ADSL: variants seen among roughly 807,000 people sequenced by gnomAD.
ADSL encodes the protein adenylosuccinate lyase, also known as adenylosuccinase.
In ADSL, 44 loss-of-function variants were observed where a neutral mutation model predicts 62.1. The ratio of observed to expected loss-of-function variants is 0.71; its 90% CI spans 0.56 to 0.91. The LOEUF (loss-of-function observed/expected upper bound fraction) is 0.91. ADSL is among the 40% of genes least tolerant of loss of function. The pLI is 0.00. For missense variants in ADSL, 531 were observed against 627.4 expected, an observed-to-expected ratio of 0.85 and a Z score of 1.64; for synonymous variants, 198 against 220.5, an observed-to-expected ratio of 0.90 and a Z score of 0.90.
At chr22:40,375,338 G>A (rs554316473) in intron 2 of ADSL, among the ~76,000 whole-genome samples, 109 of 152,176 alleles carry the variant, frequency 7.2e-4, no homozygotes, top group Non-Finnish European at 1.5e-3. Context: ...CCAGTGCTTT[G>A]GGAGGCCGAG....
intron 12 of ADSL, 133 bp from the exon 13 acceptor site, chr22:40,366,300 TGAG>T (rs2045003595): frequency 1.4e-6 from 1 of 700,968 alleles, no homozygotes; most frequent in South Asian, 1.5e-5. Flanking sequence ...GATAGGCAGT[TGAG>T]GAAAACAAGC....
chr22:40,352,562 A>G (rs1431122613), intron 2 of ADSL, among the ~76,000 whole-genome samples: 1 of 152,156 alleles, frequency 6.6e-6, no homozygotes, highest in Non-Finnish European at 1.5e-5. Context: ...GAGGAAAGTA[A>G]TGGAATGTGC....
intron 2 of ADSL, among the ~76,000 whole-genome samples, chr22:40,374,688 T>G (rs1412186180): frequency 6.6e-6 from 1 of 152,150 alleles, no homozygotes. Context: ...TCAAGACTGG[T>G]CTGGGCAACA....
chr22:40,364,992 C>G lies in ADSL; in HGVS notation c.1304C>G (p.Pro435Arg), dbSNP rs1217328076. The G allele has an allele frequency of 6.2e-7, 1 of 1,614,056 alleles. No homozygotes were observed. Among genetic ancestry groups the G allele is most frequent in the Non-Finnish European group, 8.5e-7 (1 of 1,179,950 alleles). Reference protein sequence around the residue: ...ERIQVDAYFSPIHSQLDHLLD... With the variant: ...ERIQVDAYFSRIHSQLDHLLD... ...ATCCAGGTTGATGCCTACTTCAGTC[C>G]CATTCACTCCCAGTTGGATCATTTA... Residue 435 changes from proline to arginine, a missense_variant, in exon 12 of 13, where the codon CCC (proline) becomes CGC (arginine). By Grantham distance (103) the Pro-to-Arg change is moderately radical. Coordinates refer to ENST00000623063, the MANE Select transcript of ADSL (RefSeq NM_000026.4).
In ADSL at chr22:40,353,131, A is replaced by T. The variant is rs764835447; in HGVS notation, c.402+14A>T. ...CTTTTGCCAAAGGTAAGGAGTTGGC[A>T]GATGTTTCCTACCAACCCTAGATTC... On this transcript the variant is annotated intron_variant, in intron 3 of 12. Transcript: ENST00000623063. 6.2e-7 allele frequency: 1 copy of T among 1,610,702 alleles called. No homozygotes were observed. Among genetic ancestry groups the T allele is most frequent in the Admixed American group, 1.7e-5 (1 of 60,014 alleles).
downstream of ADSL, among the ~76,000 whole-genome samples, chr22:40,371,889 G>T (rs1050057706): frequency 6.6e-5 from 10 of 151,554 alleles, no homozygotes; most frequent in Middle Eastern, 3.4e-3. Flanking sequence ...TAGAGACGGG[G>T]TTTTTCGCCA....
intron 11 of ADSL, chr22:40,364,671 C>A: frequency 1.6e-6 from 1 of 641,622 alleles, no homozygotes; most frequent in South Asian, 1.8e-5. Context: ...AGGGCCAGAG[C>A]AAGGTGGGCA....
chr22:40,349,241 G>GGGAAGACA (rs1164621889), intron 1 of ADSL, among the ~76,000 whole-genome samples: 2 of 152,060 alleles, frequency 1.3e-5, no homozygotes, highest in African/African-American at 4.8e-5. Flanking sequence ...ATTGAAGTCA[G>GGGAAGACA]GGAAGACCTC....
chr22:40,366,429 C>T lies in ADSL; in HGVS notation c.1369-7C>T, dbSNP rs780296394. On this transcript the variant is annotated splice_polypyrimidine_tract_variant and splice_region_variant and intron_variant, in intron 12 of 12. Coordinates refer to ENST00000623063, the MANE Select transcript of ADSL (RefSeq NM_000026.4). The stretch of plus-strand genomic sequence containing the variant: ...TCTTTTGTCTTGTATTTGCTTTCCT[C>T]TGGCAGGTGCAGAGATTCTTAGAAG... 1 of 1,599,276 alleles carries T rather than the reference C, an allele frequency of 6.3e-7. No homozygotes were observed. The highest frequency in any genetic ancestry group is 8.6e-7 in the Non-Finnish European group (1 of 1,166,608).
intron 8 of ADSL, 28 bp downstream of exon 8, chr22:40,361,370 A>G: frequency 6.2e-7 from 1 of 1,613,218 alleles, no homozygotes; most frequent in South Asian, 1.1e-5. Context: ...ACCTGTGAGC[A>G]CACATTGCTG....
In ADSL at chr22:40,346,566, C is replaced by G. The variant is rs2044145822; in HGVS notation, c.8C>G (p.Ala3Gly). The change falls in exon 1 of 13, where the codon GCT becomes GGT. Residue 3 changes from alanine (A) to glycine (G), a missense_variant. Physicochemically the swap from Ala to Gly is moderately conservative, Grantham distance 60. This residue lies in a region of ADSL where 60 missense variants were observed against 34.5 expected (regional missense o/e 1.74). Transcript: ENST00000623063. ...CGGGGTCGCAGGGTTGGGATGGCGG[C>G]TGGAGGCGATCATGGTTCGCCCGAC... is the stretch of plus-strand genomic sequence containing the variant. MA[A>G]GGDHGSPDSY... is the part of the protein sequence containing the mutation. 6 of 1,604,376 alleles carry G rather than the reference C, an allele frequency of 3.7e-6. No homozygotes were observed. Among genetic ancestry groups the G allele is most frequent in the Non-Finnish European group, 5.1e-6 (6 of 1,176,888 alleles).
chr22:40,354,036 A>C, intron 3 of ADSL: 1 of 608,796 alleles, frequency 1.6e-6, no homozygotes, highest in Non-Finnish European at 2.9e-6. Context: ...AAAATAGTTC[A>C]TGACATTTTA....
intron 2 of ADSL, among the ~76,000 whole-genome samples, chr22:40,384,652 C>T (rs1005416892): frequency 6.6e-6 from 1 of 152,008 alleles, no homozygotes; most frequent in South Asian, 2.1e-4. Flanking sequence ...TGGTGGCGGG[C>T]GCCTGTAGTC....
At chr22:40,351,315 C>T (rs1352084554) in intron 2 of ADSL, among the ~76,000 whole-genome samples, 3 of 152,038 alleles carry the variant, frequency 2.0e-5, no homozygotes, top group Non-Finnish European at 4.4e-5. Context: ...GGATTATAGG[C>T]GCCTGCCGCC....
At chr22:40,365,251 G>C (rs1015276224) in intron 12 of ADSL, among the ~76,000 whole-genome samples, 195 bp downstream of exon 12, 3 of 152,136 alleles carry the variant, frequency 2.0e-5, no homozygotes, top group East Asian at 3.9e-4. Flanking sequence ...CTCTCATCCA[G>C]GCTGGAGTGC....
intron 2 of ADSL, among the ~76,000 whole-genome samples, chr22:40,386,691 G>A (rs1291577705): frequency 6.7e-6 from 1 of 149,796 alleles, no homozygotes; most frequent in East Asian, 2.0e-4. Context: ...CAAAGTGTTC[G>A]GGTTACATAT....
rs758319423 is a variant in ADSL at position 40,365,062 on chromosome 22, CT to C, written c.1368+8del. On this transcript the variant is annotated splice_region_variant and intron_variant, in intron 12 of 12. Transcript: ENST00000623063. Reference sequence around the variant, plus strand: ...CTGGTCGTGCCTCCCAGCAGGTAAGCTTCCAAGAAGCCTCTTTTCTGCTGGG... The same window carrying C: ...CTGGTCGTGCCTCCCAGCAGGTAAGCTCCAAGAAGCCTCTTTTCTGCTGGG... 1.9e-5 allele frequency: 30 copies of C among 1,611,992 alleles called. No homozygotes were observed. The highest frequency in any genetic ancestry group is 1.7e-5 in the Admixed American group (1 of 59,982).
Position 40,354,241 on chromosome 22 carries a change from C to G in ADSL, c.403-7C>G. On this transcript the variant is annotated splice_polypyrimidine_tract_variant and splice_region_variant and intron_variant, in intron 3 of 12. Coordinates refer to ENST00000623063, the MANE Select transcript of ADSL (RefSeq NM_000026.4). ...AACCTCTTTCTATCACATGATCTTT[C>G]TTGTAGCTTGCCAGAGTGATCTCTC... The G allele has an allele frequency of 6.2e-7, 1 of 1,613,714 alleles. No individual in the cohort carries two copies. The highest frequency in any genetic ancestry group is 1.3e-5 in the African/African-American group (1 of 75,040).
At chr22:40,370,069 G>C (rs1448434612), downstream of ADSL, among the ~76,000 whole-genome samples, 2 of 152,226 alleles carry the variant, frequency 1.3e-5, no homozygotes, top group Non-Finnish European at 2.9e-5. Flanking sequence ...GCCTGGCGCG[G>C]TGGCTCACGC....
Sources: gnomAD v4.1 joint callset for allele counts (sites outside exome capture counted in the v4.1 genomes callset) on GRCh38, gnomAD v4.1.1 for gene constraint, gnomAD v4.1.1 regional missense constraint, MANE v1.5 for transcripts, NCBI Gene and HGNC (gene_info 2026-07-23, HGNC 2026-07-21) for gene names.